Variants in DAB1 observed in about 807,000 individuals in gnomAD.
DAB1 encodes the protein DAB adaptor protein 1.
A neutral mutation model predicts 64.6 loss-of-function variants in DAB1; 15 were observed. That is an observed-to-expected ratio of 0.23 (90% confidence interval 0.16 to 0.36). The LOEUF is 0.36. Among genes scored for constraint, DAB1 ranks in the 10% least tolerant of loss-of-function variants. The probability of loss-of-function intolerance (pLI) is 1.00; values close to 1 mark genes in which losing one functional copy is unlikely to be tolerated. For synonymous variants in DAB1, 235 were observed against 251.9 expected, an observed-to-expected ratio of 0.93 and a Z score of 0.64; for missense variants, 596 against 706.7, an observed-to-expected ratio of 0.84 and a Z score of 1.78.
At chr1:57,815,014 C>T (rs1163495602) in intron 6 of DAB1, among the ~76,000 whole-genome samples, 1 of 152,050 alleles carries the variant, frequency 6.6e-6, no homozygotes, top group African/African-American at 2.4e-5. Context: ...AAATTAGTTT[C>T]CTGGATTAAA....
intron 6 of DAB1, among the ~76,000 whole-genome samples, chr1:57,732,204 T>C (rs1366477522): frequency 6.6e-6 from 1 of 152,142 alleles, no homozygotes; most frequent in African/African-American, 2.4e-5. Flanking sequence ...GTCAGGTTAG[T>C]TTTTGGCCCT....
intron 9 of DAB1, among the ~76,000 whole-genome samples, chr1:57,054,214 T>C (rs987917607): frequency 6.6e-6 from 1 of 152,120 alleles, no homozygotes; most frequent in Non-Finnish European, 1.5e-5. Flanking sequence ...GAAAATGACA[T>C]AAGTTGCACT....
At chr1:58,500,761 AAG>A (rs1356831724) in intron 3 of DAB1, among the ~76,000 whole-genome samples, 1 of 152,112 alleles carries the variant, frequency 6.6e-6, no homozygotes, top group African/African-American at 2.4e-5. Flanking sequence ...TCACCCAACA[AAG>A]AGGGGATGGT....
At chr1:58,298,340 T>C (rs1244735279) in intron 4 of DAB1, among the ~76,000 whole-genome samples, 1 of 152,252 alleles carries the variant, frequency 6.6e-6, no homozygotes, top group Non-Finnish European at 1.5e-5. Flanking sequence ...CTTTACTTTC[T>C]TTCTATTATT....
intron 4 of DAB1, among the ~76,000 whole-genome samples, chr1:58,325,939 T>C (rs1253853472): frequency 6.6e-6 from 1 of 152,132 alleles, no homozygotes; most frequent in Non-Finnish European, 1.5e-5. Context: ...CCTCTGAGGC[T>C]CCCATGGTTG....
chr1:57,750,709 G>A (rs1464843788), intron 6 of DAB1, among the ~76,000 whole-genome samples: 1 of 152,132 alleles, frequency 6.6e-6, no homozygotes, highest in East Asian at 1.9e-4. Context: ...AGATCTCTCA[G>A]ATGTCTTAAA....
At chr1:57,272,654 G>C (rs1198635852) in intron 2 of DAB1, among the ~76,000 whole-genome samples, 2 of 152,154 alleles carry the variant, frequency 1.3e-5, no homozygotes, top group South Asian at 2.1e-4. Context: ...ATGGCAGACT[G>C]ACTGATCAAC....
intron 1 of DAB1, chr1:58,538,814 A>C (rs747467736): frequency 1.2e-6 from 1 of 817,770 alleles, no homozygotes; most frequent in Non-Finnish European, 2.1e-6. Context: ...ATGATTGCAA[A>C]TAACTTCTGT....
chr1:58,395,013 G>T (rs1212361341), intron 3 of DAB1, among the ~76,000 whole-genome samples: 1 of 151,594 alleles, frequency 6.6e-6, no homozygotes, highest in Admixed American at 6.6e-5. Flanking sequence ...AGTCAGAATG[G>T]AGGAGTCATG....
chr1:57,026,350 GTC>G, intron 9 of DAB1, among the ~76,000 whole-genome samples: 1 of 152,122 alleles, frequency 6.6e-6, no homozygotes, highest in East Asian at 1.9e-4. Flanking sequence ...TGCCAGCAAT[GTC>G]TCTCTTTTCT....
At chr1:57,767,751 T>G (rs368526536) in intron 6 of DAB1, among the ~76,000 whole-genome samples, 2 of 152,230 alleles carry the variant, frequency 1.3e-5, no homozygotes, top group African/African-American at 4.8e-5. Context: ...AAATCCACCA[T>G]GGGAAGAGGA....
At chr1:57,388,414 T>C (rs955470543) in intron 1 of DAB1, among the ~76,000 whole-genome samples, 5 of 152,170 alleles carry the variant, frequency 3.3e-5, no homozygotes, top group Non-Finnish European at 7.3e-5. Context: ...TTCTGCTCTT[T>C]GTGTTTCCCA....
At chr1:57,197,317 C>A (rs1323778011) in intron 2 of DAB1, among the ~76,000 whole-genome samples, 5 of 144,648 alleles carry the variant, frequency 3.5e-5, no homozygotes, top group African/African-American at 1.3e-4. Flanking sequence ...GCACTCCAGT[C>A]TAGGTGACAG....
intron 5 of DAB1, among the ~76,000 whole-genome samples, chr1:58,069,923 C>T (rs141294470): frequency 5.3e-5 from 8 of 152,280 alleles, no homozygotes; most frequent in South Asian, 2.1e-4. Context: ...ATGCCTCTTG[C>T]GGAGACATAG....
chr1:58,506,274 C>A, intron 2 of DAB1: 1 of 747,346 alleles, frequency 1.3e-6, no homozygotes, highest in Non-Finnish European at 2.3e-6. Context: ...AAAACTACTA[C>A]TTTATTTTTT....
intron 9 of DAB1, among the ~76,000 whole-genome samples, chr1:57,049,335 C>T (rs1648914653): frequency 6.6e-6 from 1 of 150,414 alleles, no homozygotes; most frequent in Non-Finnish European, 1.5e-5. Flanking sequence ...CCTGTAGTCC[C>T]AGCTACTCGG....
rs61528761 is a variant in DAB1, at chr1:57,585,248, G to GAA, written n.625+64342_625+64343dup. On this transcript the variant is annotated intron_variant and non_coding_transcript_variant, in intron 7 of 20. Coordinates refer to the DAB1 transcript ENST00000485760. Reference sequence around the variant, plus strand: ...TGGGCGACAGGATGAGACTCTTTCTGAAAAAAAAAAAAAAAAAAAAAAAAA... The same window carrying GAA: ...TGGGCGACAGGATGAGACTCTTTCTGAAAAAAAAAAAAAAAAAAAAAAAAAAA... 7.6e-3 allele frequency among the ~76,000 whole-genome samples: 338 copies of GAA among 44,288 alleles called. 37 individuals carry two copies. The highest frequency in any genetic ancestry group is 0.026 in the African/African-American group (268 of 10,502). The allele number at this position is 44,288 out of a possible 152,430, so 29.1% of individuals were successfully genotyped here. A position where few individuals can be genotyped will look rare whatever the true frequency, so the allele number is the denominator to read the frequency against.
intron 6 of DAB1, among the ~76,000 whole-genome samples, chr1:57,751,562 C>T (rs749548087): frequency 7.9e-5 from 12 of 151,762 alleles, no homozygotes; most frequent in Non-Finnish European, 1.3e-4. Flanking sequence ...AAGAGGCTGA[C>T]CAGATCAAAG....
intron 4 of DAB1, among the ~76,000 whole-genome samples, chr1:57,090,910 A>G (rs916417414): frequency 6.6e-6 from 1 of 152,078 alleles, no homozygotes; most frequent in African/African-American, 2.4e-5. Context: ...TAGGAGCGCG[A>G]ACCCTATTGT....
Sources: gnomAD v4.1 joint callset for allele counts (sites outside exome capture counted in the v4.1 genomes callset) on GRCh38, gnomAD v4.1.1 for gene constraint, MANE v1.5 for transcripts, NCBI Gene and HGNC (gene_info 2026-07-23, HGNC 2026-07-21) for gene names.